Variants in MYOZ2 observed in about 807,000 individuals in gnomAD.
The protein encoded by MYOZ2 is myozenin-2.
A neutral mutation model predicts 25.4 loss-of-function variants in MYOZ2; 19 were observed. The observed-to-expected ratio is 0.75, with a 90% CI of 0.52 to 1.10. MYOZ2 has a LOEUF of 1.10. MYOZ2 is among the 50% of genes least tolerant of loss of function. The probability of loss-of-function intolerance (pLI) is 0.00; values close to 1 mark genes in which losing one functional copy is unlikely to be tolerated. For missense variants in MYOZ2, 270 were observed against 317.9 expected, an observed-to-expected ratio of 0.85 and a Z score of 1.15; for synonymous variants, 92 against 106.9, an observed-to-expected ratio of 0.86 and a Z score of 0.86.
chr4:119,144,759 G>GC (rs1276671938), intron 2 of MYOZ2, among the ~76,000 whole-genome samples: 4 of 152,104 alleles, frequency 2.6e-5, no homozygotes, highest in Non-Finnish European at 4.4e-5. Flanking sequence ...CAGTTGAAAT[G>GC]CCTCTTCATG....
At chr4:119,174,978 T>G (rs751344945) in intron 5 of MYOZ2, among the ~76,000 whole-genome samples, 3 of 151,798 alleles carry the variant, frequency 2.0e-5, no homozygotes, top group Non-Finnish European at 4.4e-5. Context: ...GCAGCTTCAC[T>G]CCTGAGCCAG....
rs556805275 is a variant in MYOZ2 at position 119,144,153 on chromosome 4, AT to A, written c.77-6717del. Reference sequence around the variant, plus strand: ...TCTCCTTAAACCCTGACCAATCACTATTCTGCTCTCCATTTCTATAATTTTT... The same window carrying A: ...TCTCCTTAAACCCTGACCAATCACTATCTGCTCTCCATTTCTATAATTTTT... On this transcript the variant is annotated intron_variant, in intron 2 of 5. Transcript: ENST00000307128. Among the ~76,000 whole-genome samples, 599 of 152,184 alleles carry A rather than the reference AT, an allele frequency of 3.9e-3. 5 individuals carry two copies. The highest frequency in any genetic ancestry group is 6.1e-3 in the Admixed American group (94 of 15,288).
intron 5 of MYOZ2, among the ~76,000 whole-genome samples, chr4:119,172,706 G>A (rs115644389): frequency 6.6e-6 from 1 of 152,286 alleles, no homozygotes; most frequent in Non-Finnish European, 1.5e-5. Context: ...GAGCAATCTA[G>A]TCCCCAGGCA....
intron 2 of MYOZ2, among the ~76,000 whole-genome samples, chr4:119,143,659 G>A (rs1337614396): frequency 1.3e-5 from 2 of 152,182 alleles, no homozygotes; most frequent in African/African-American, 4.8e-5. Context: ...ACACAGGATA[G>A]TTTCTCGGCC....
intron 5 of MYOZ2, 77 bp from the exon 6 acceptor site, chr4:119,185,889 T>C: frequency 8.1e-7 from 1 of 1,230,686 alleles, no homozygotes; most frequent in Non-Finnish European, 1.2e-6. Context: ...ATCATGCCTA[T>C]AAAATTATGA....
At chr4:119,153,024 C>T (rs1741487732) in intron 3 of MYOZ2, among the ~76,000 whole-genome samples, 2 of 151,212 alleles carry the variant, frequency 1.3e-5, no homozygotes, top group Non-Finnish European at 2.9e-5. Flanking sequence ...GGCTCTCCCA[C>T]CAGCCATGTG....
chr4:119,184,866 C>T (rs530416298), intron 5 of MYOZ2, among the ~76,000 whole-genome samples: 1 of 152,288 alleles, frequency 6.6e-6, no homozygotes, highest in East Asian at 1.9e-4. Flanking sequence ...TCACAGATAA[C>T]CCAAACAGAT....
At chr4:119,161,198 C>G (rs1279547739) in intron 4 of MYOZ2, among the ~76,000 whole-genome samples, 1 of 151,958 alleles carries the variant, frequency 6.6e-6, no homozygotes, top group Non-Finnish European at 1.5e-5. Context: ...CTATTTAGAG[C>G]TAGTATCCAG....
chr4:119,183,822 T>C (rs919558642), intron 5 of MYOZ2, among the ~76,000 whole-genome samples: 6 of 151,146 alleles, frequency 4.0e-5, no homozygotes, highest in Non-Finnish European at 8.9e-5. Flanking sequence ...GTCTTTTTTT[T>C]TTTTTTTCCG....
At chr4:119,180,459 G>C (rs2149229517) in intron 5 of MYOZ2, among the ~76,000 whole-genome samples, 1 of 152,224 alleles carries the variant, frequency 6.6e-6, no homozygotes, top group Non-Finnish European at 1.5e-5. Flanking sequence ...AATTTAATCT[G>C]CATACTGCTA....
Position 119,186,034 on chromosome 4 carries a change from A to G in MYOZ2, c.629A>G (p.Glu210Gly), listed in dbSNP as rs766105838. 1.2e-6 allele frequency: 2 copies of G among 1,614,032 alleles called. No homozygotes were observed. Among genetic ancestry groups the G allele is most frequent in the South Asian group, 2.2e-5 (2 of 91,080 alleles). The change falls in exon 6 of 6, where the codon GAG becomes GGG. Residue 210 changes from glutamate (E) to glycine (G), a missense_variant. Transcript: ENST00000307128. ...RMVKFKVPDF[E>G]LLLLTDPRFM... is the part of the protein sequence containing the mutation. ...GTTAAATTTAAAGTTCCAGATTTTG[A>G]GCTACTATTGCTAACAGATCCCAGG...
chr4:119,146,558 T>A (rs1292821905), intron 2 of MYOZ2, among the ~76,000 whole-genome samples: 29 of 152,150 alleles, frequency 1.9e-4, no homozygotes. Flanking sequence ...GTTACTAATT[T>A]CTAGTTCGGT....
intron 2 of MYOZ2, among the ~76,000 whole-genome samples, chr4:119,144,415 G>C (rs1741241445): frequency 6.6e-6 from 1 of 152,154 alleles, no homozygotes; most frequent in Admixed American, 6.5e-5. Context: ...AAGATGCTAT[G>C]AACATTTGGG....
intron 3 of MYOZ2, among the ~76,000 whole-genome samples, 168 bp downstream of exon 3, chr4:119,151,209 G>A (rs1369944528): frequency 6.6e-6 from 1 of 151,980 alleles, no homozygotes; most frequent in Non-Finnish European, 1.5e-5. Context: ...AACAAAAGAA[G>A]CATTATGTAT....
At chr4:119,150,768 G>T in intron 2 of MYOZ2, 104 bp from the exon 3 acceptor site, 1 of 1,138,786 alleles carries the variant, frequency 8.8e-7, no homozygotes, top group Non-Finnish European at 1.3e-6. Context: ...ACATACTTAT[G>T]ATTATGCAAT....
At chr4:119,160,880 C>T (rs1741692885) in intron 4 of MYOZ2, among the ~76,000 whole-genome samples, 2 of 151,748 alleles carry the variant, frequency 1.3e-5, no homozygotes, top group South Asian at 4.2e-4. Flanking sequence ...TATTCAATAT[C>T]CTCCTTCTAG....
chr4:119,174,053 A>C (rs1242071730), intron 5 of MYOZ2, among the ~76,000 whole-genome samples: 1 of 152,154 alleles, frequency 6.6e-6, no homozygotes, highest in Non-Finnish European at 1.5e-5. Flanking sequence ...GCAGCCCGCC[A>C]TGCCTGAGCC....
rs1741334496 is a variant in MYOZ2 at position 119,147,718 on chromosome 4, T to C, written c.77-3154T>C. Reference sequence around the variant, plus strand: ...AAGATCGGGTCACTGCACTCCAGCCTGGGTGACAGAGTAAGACTCTGTCTC... The same window carrying C: ...AAGATCGGGTCACTGCACTCCAGCCCGGGTGACAGAGTAAGACTCTGTCTC... On this transcript the variant is annotated intron_variant, in intron 2 of 5. Transcript: ENST00000307128. 2.1e-5 allele frequency among the ~76,000 whole-genome samples: 3 copies of C among 141,202 alleles called. No homozygotes were observed. The South Asian group carries it at 6.8e-4, about 32-fold the overall frequency. 92.6% of individuals were successfully genotyped at this position (141,202 alleles called of 152,430 possible).
chr4:119,183,152 G>A (rs898277783), intron 5 of MYOZ2, among the ~76,000 whole-genome samples: 5 of 151,974 alleles, frequency 3.3e-5, no homozygotes, highest in Admixed American at 6.6e-5. Flanking sequence ...ATATTGTAAC[G>A]AATTACAAAG....
Sources: allele counts gnomAD v4.1 joint callset (sites outside exome capture counted in the v4.1 genomes callset), GRCh38; gene constraint gnomAD v4.1.1; transcripts MANE v1.5; gene names NCBI Gene and HGNC (gene_info 2026-07-23, HGNC 2026-07-21).